Variants in GUCY1B1 observed in about 807,000 individuals in gnomAD.
GUCY1B1 encodes the protein guanylate cyclase soluble subunit beta-1.
A neutral mutation model predicts 71.0 loss-of-function variants in GUCY1B1; 43 were observed. The observed-to-expected ratio is 0.61, with a 90% CI of 0.47 to 0.78. The LOEUF (loss-of-function observed/expected upper bound fraction) is 0.78, where lower values mean the gene tolerates loss of function less well. Among genes scored for constraint, GUCY1B1 ranks in the 30% least tolerant of loss-of-function variants. The pLI, the probability that GUCY1B1 is intolerant of heterozygous loss-of-function variation, is 0.00. For synonymous variants in GUCY1B1, 266 were observed against 259.7 expected (o/e 1.02, Z -0.23); for missense variants, 535 against 754.1 (o/e 0.71, Z 3.40).
chr4:155,792,185 C>G (rs959938749), intron 5 of GUCY1B1, among the ~76,000 whole-genome samples: 1 of 151,852 alleles, frequency 6.6e-6, no homozygotes, highest in African/African-American at 2.4e-5. Flanking sequence ...TCCAGAGATA[C>G]CAGACAATTT....
intron 3 of GUCY1B1, among the ~76,000 whole-genome samples, chr4:155,776,682 A>G (rs1738074589): frequency 6.6e-6 from 1 of 152,172 alleles, no homozygotes; most frequent in Non-Finnish European, 1.5e-5. Flanking sequence ...AAAACTAAAA[A>G]AAATGTGATA....
intron 4 of GUCY1B1, among the ~76,000 whole-genome samples, chr4:155,784,036 A>G (rs1032966686): frequency 6.6e-6 from 1 of 152,302 alleles, no homozygotes; most frequent in South Asian, 2.1e-4. Flanking sequence ...GTAGTATTAT[A>G]TAGACTGGAT....
intron 2 of GUCY1B1, among the ~76,000 whole-genome samples, chr4:155,760,535 A>G (rs901378211): frequency 1.5e-5 from 2 of 136,794 alleles, no homozygotes; most frequent in African/African-American, 5.5e-5. Flanking sequence ...AGTACTGGGG[A>G]TGTGAACGGA....
In GUCY1B1 at chr4:155,786,419, A is replaced by T. The variant is rs552810630; in HGVS notation, c.298-3295A>T. 9.1e-5 allele frequency among the ~76,000 whole-genome samples: 13 copies of T among 143,000 alleles called. No individual in the cohort carries two copies. The South Asian group carries it at 2.7e-3, about 30-fold the overall frequency. The allele number at this position is 143,000 out of a possible 152,430, so 93.8% of individuals were successfully genotyped here. ...CTCCCAAGTAGCTGGGACTACAGGCATGCCCCACCACGCCTGGCTAATTTT... is the reference window on the plus strand; with the variant it reads ...CTCCCAAGTAGCTGGGACTACAGGCTTGCCCCACCACGCCTGGCTAATTTT... On this transcript the variant is annotated intron_variant, in intron 4 of 13. Coordinates refer to ENST00000264424, the MANE Select transcript of GUCY1B1 (RefSeq NM_000857.5).
At chr4:155,803,800 G>A (rs1335110047) in intron 11 of GUCY1B1, 36 bp downstream of exon 11, 4 of 1,399,802 alleles carry the variant, frequency 2.9e-6, no homozygotes, top group Admixed American at 2.7e-5. Flanking sequence ...ATAATGGTAT[G>A]TAAACCTTTT....
intron 2 of GUCY1B1, among the ~76,000 whole-genome samples, chr4:155,767,627 C>T (rs1737423719): frequency 6.6e-6 from 1 of 152,004 alleles, no homozygotes. Context: ...AACACATTGA[C>T]ATGAAAGGAC....
chr4:155,791,858 G>C (rs1739207451), intron 5 of GUCY1B1, among the ~76,000 whole-genome samples: 1 of 150,814 alleles, frequency 6.6e-6, no homozygotes. Flanking sequence ...TATTTAACCA[G>C]ACTGAGAAAG....
At position 155,803,690 on chromosome 4, in the gene GUCY1B1, C is replaced by T. The variant is rs371047617; in HGVS notation, c.1480C>T (p.Arg494Ter). The change falls in exon 11 of 14, where the codon CGA becomes TGA. Residue 494 changes from arginine to a stop codon, truncating the protein, a stop_gained. Coordinates refer to ENST00000264424, the MANE Select transcript of GUCY1B1 (RefSeq NM_000857.5). LOFTEE classifies it high-confidence loss of function. Reference sequence around the variant, plus strand: ...ACCAGAGCCATGCATTCACCATGCACGATCCATCTGCCACCTGGCCTTGGA... The same window carrying T: ...ACCAGAGCCATGCATTCACCATGCATGATCCATCTGCCACCTGGCCTTGGA... ...GLPEPCIHHA[R>*]SICHLALDMM... The T allele has an allele frequency of 5.0e-6, 8 of 1,601,686 alleles. No homozygotes were observed. The highest frequency in any genetic ancestry group is 1.7e-5 in the Admixed American group (1 of 58,836).
intron 2 of GUCY1B1, among the ~76,000 whole-genome samples, chr4:155,773,196 G>T (rs1422627435): frequency 1.3e-5 from 2 of 152,196 alleles, no homozygotes; most frequent in African/African-American, 2.4e-5. Context: ...TTTTTGTGAA[G>T]TTAACATTGG....
chr4:155,776,793 AT>A (rs1738082725), intron 3 of GUCY1B1, among the ~76,000 whole-genome samples: 1 of 152,210 alleles, frequency 6.6e-6, no homozygotes, highest in Admixed American at 6.5e-5. Context: ...AAATATACAT[AT>A]TTATATAAAG....
At position 155,800,089 on chromosome 4, in the gene GUCY1B1, C is replaced by G. The variant is rs1324501662; in HGVS notation, c.1175+15C>G. 4 of 1,549,032 alleles carry G rather than the reference C, an allele frequency of 2.6e-6. 1 individual carries two copies. The South Asian group carries it at 4.6e-5, about 18-fold the overall frequency. On this transcript the variant is annotated intron_variant, in intron 9 of 13. Transcript: ENST00000264424. Reference sequence around the variant, plus strand: ...AAGACAGACACGTAAGAATGTAACGCTTGGAGCACTACTGTTATTCATAAC... The same window carrying G: ...AAGACAGACACGTAAGAATGTAACGGTTGGAGCACTACTGTTATTCATAAC...
chr4:155,761,691 AT>A (rs1737006855), intron 2 of GUCY1B1, among the ~76,000 whole-genome samples: 1 of 152,242 alleles, frequency 6.6e-6, no homozygotes, highest in Non-Finnish European at 1.5e-5. Flanking sequence ...ATTGACGAGA[AT>A]TTAACTCTGC....
chr4:155,778,470 C>A lies in GUCY1B1; in HGVS notation c.297+828C>A, dbSNP rs117144794. 9.9e-3 allele frequency among the ~76,000 whole-genome samples: 1,507 copies of A among 152,308 alleles called. 73 individuals carry two copies. The highest frequency in any genetic ancestry group is 0.078 in the Admixed American group (1,198 of 15,294). On this transcript the variant is annotated intron_variant, in intron 4 of 13. Coordinates refer to ENST00000264424, the MANE Select transcript of GUCY1B1 (RefSeq NM_000857.5). ...ATCTTGCTGGAAAATGATGTCAGTG[C>A]AATACTAGCTGAACCGAAGCCCAGT...
chr4:155,797,899 A>G (rs1739673224), intron 8 of GUCY1B1, among the ~76,000 whole-genome samples: 1 of 152,006 alleles, frequency 6.6e-6, no homozygotes. Flanking sequence ...TAAAAGAAAC[A>G]AAACTAAGAA....
At chr4:155,789,582 T>G (rs922135256) in intron 4 of GUCY1B1, 132 bp from the exon 5 acceptor site, 9 of 539,546 alleles carry the variant, frequency 1.7e-5, no homozygotes, top group Non-Finnish European at 2.3e-5. Context: ...GAGTGAAGGA[T>G]GTGCTACATG....
chr4:155,769,698 A>G (rs1466292843), intron 2 of GUCY1B1, among the ~76,000 whole-genome samples: 1 of 152,166 alleles, frequency 6.6e-6, no homozygotes, highest in East Asian at 1.9e-4. Context: ...TAGAGTTTAT[A>G]TGATATTTTT....
chr4:155,778,904 A>AT (rs1738235473), intron 4 of GUCY1B1, among the ~76,000 whole-genome samples: 1 of 152,098 alleles, frequency 6.6e-6, no homozygotes, highest in South Asian at 2.1e-4. Flanking sequence ...GTTCTGACTT[A>AT]TAACTCTCTC....
chr4:155,786,636 A>C (rs1351845016), intron 4 of GUCY1B1, among the ~76,000 whole-genome samples: 4 of 150,680 alleles, frequency 2.7e-5, no homozygotes, highest in Non-Finnish European at 4.4e-5. Flanking sequence ...CACCCTGCTA[A>C]TTTCTTTTTT....
rs546267001 is a variant in GUCY1B1 at position 155,779,911 on chromosome 4, A to T, written c.297+2269A>T. Among the ~76,000 whole-genome samples, 9 of 152,320 alleles carry T rather than the reference A, an allele frequency of 5.9e-5. No individual in the cohort carries two copies. The East Asian group carries it at 1.7e-3, about 29-fold the overall frequency. Reference sequence around the variant, plus strand: ...TTCAGTCCTGGTTTTAATCAGTCACAGCATCTTTAGATTCTATTTCCCAAA... The same window carrying T: ...TTCAGTCCTGGTTTTAATCAGTCACTGCATCTTTAGATTCTATTTCCCAAA... On this transcript the variant is annotated intron_variant, in intron 4 of 13. Transcript: ENST00000264424.
Sources: gnomAD v4.1 joint callset for allele counts (sites outside exome capture counted in the v4.1 genomes callset) on GRCh38, gnomAD v4.1.1 for gene constraint, MANE v1.5 for transcripts, NCBI Gene and HGNC (gene_info 2026-07-23, HGNC 2026-07-21) for gene names.